Variants in PHACTR3 observed in about 807,000 individuals in gnomAD.
PHACTR3 encodes the protein phosphatase and actin regulator 3.
A neutral mutation model predicts 66.8 loss-of-function variants in PHACTR3; 16 were observed. The ratio of observed to expected loss-of-function variants is 0.24; its 90% confidence interval spans 0.16 to 0.36. The LOEUF is 0.36. PHACTR3 is among the 10% of genes least tolerant of loss of function. The probability of loss-of-function intolerance (pLI) is 1.00; values close to 1 mark genes in which losing one functional copy is unlikely to be tolerated. For synonymous variants in PHACTR3, 323 were observed against 292.1 expected, an observed-to-expected ratio of 1.11 and a Z score of -1.08; for missense variants, 647 against 719.9, an observed-to-expected ratio of 0.90 and a Z score of 1.16.
chr20:59,747,648 T>C, intron 2 of PHACTR3, 110 bp from the exon 3 acceptor site: 1 of 1,281,508 alleles, frequency 7.8e-7, no homozygotes, highest in Non-Finnish European at 1.1e-6. Flanking sequence ...AGGCGCCTGC[T>C]AGCTCAGTGT....
intron 1 of PHACTR3, among the ~76,000 whole-genome samples, chr20:59,653,719 A>G (rs2146456897): frequency 6.6e-6 from 1 of 152,330 alleles, no homozygotes; most frequent in East Asian, 1.9e-4. Context: ...TTATTATGAA[A>G]GAAAAGAGAT....
chr20:59,596,976 C>A (rs909276293), intron 1 of PHACTR3, among the ~76,000 whole-genome samples: 2 of 152,260 alleles, frequency 1.3e-5, no homozygotes, highest in African/African-American at 4.8e-5. Context: ...CTGGGCCAAG[C>A]CATCCCGTGC....
At chr20:59,768,927 A>T (rs532289560) in intron 5 of PHACTR3, among the ~76,000 whole-genome samples, 3 of 152,106 alleles carry the variant, frequency 2.0e-5, no homozygotes, top group Non-Finnish European at 2.9e-5. Flanking sequence ...GATGGGTTAG[A>T]TGTGGGGCTG....
At chr20:59,726,063 C>T (rs1179468930) in intron 1 of PHACTR3, among the ~76,000 whole-genome samples, 3 of 152,230 alleles carry the variant, frequency 2.0e-5, no homozygotes, top group African/African-American at 7.2e-5. Flanking sequence ...CTTCTGATGT[C>T]AGCTATAGCA....
At chr20:59,791,018 C>T (rs1238321652) in intron 7 of PHACTR3, among the ~76,000 whole-genome samples, 1 of 152,126 alleles carries the variant, frequency 6.6e-6, no homozygotes, top group African/African-American at 2.4e-5. Flanking sequence ...TTCATTAATT[C>T]ACCAGGGAGG....
At chr20:59,815,303 A>T (rs886140111) in intron 8 of PHACTR3, among the ~76,000 whole-genome samples, 3 of 152,208 alleles carry the variant, frequency 2.0e-5, no homozygotes, top group Non-Finnish European at 4.4e-5. Flanking sequence ...GCAGAGACGA[A>T]CAAGGAACTC....
intron 1 of PHACTR3, among the ~76,000 whole-genome samples, chr20:59,722,470 G>A (rs1292133502): frequency 3.9e-5 from 6 of 152,184 alleles, no homozygotes; most frequent in Non-Finnish European, 8.8e-5. Flanking sequence ...AGCGTGGCTG[G>A]AATGGAGGGA....
chr20:59,578,920 G>A (rs989845249), intron 1 of PHACTR3, among the ~76,000 whole-genome samples: 1 of 152,174 alleles, frequency 6.6e-6, no homozygotes, highest in East Asian at 1.9e-4. Flanking sequence ...CCTACTGAGC[G>A]CCAGTCCCAG....
chr20:59,652,334 A>T (rs2035484138), intron 1 of PHACTR3, among the ~76,000 whole-genome samples: 1 of 152,156 alleles, frequency 6.6e-6, no homozygotes, highest in Non-Finnish European at 1.5e-5. Context: ...ACTTGAGGCC[A>T]GGAGTTCCAG....
chr20:59,604,623 G>GC lies in PHACTR3; in HGVS notation c.-387dup. 1 of 971,170 alleles carries GC rather than the reference G, an allele frequency of 1.0e-6. No individual in the cohort carries two copies. Among genetic ancestry groups the GC allele is most frequent in the Non-Finnish European group, 1.2e-6 (1 of 816,636 alleles). 60.2% of individuals were successfully genotyped at this position (971,170 alleles called of 1,614,324 possible). On this transcript the variant is annotated 5_prime_UTR_variant, in exon 1 of 13. Coordinates refer to ENST00000371015, the MANE Select transcript of PHACTR3 (RefSeq NM_080672.5). Reference sequence around the variant, plus strand: ...GGGGGGTGGGGTGGGGGGAGGGAGCGCCCCCAGACATTCCAGGACATCACC... The same window carrying GC: ...GGGGGGTGGGGTGGGGGGAGGGAGCGCCCCCCAGACATTCCAGGACATCACC...
intron 8 of PHACTR3, 52 bp downstream of exon 8, chr20:59,806,246 G>C: frequency 6.3e-7 from 1 of 1,585,788 alleles, no homozygotes; most frequent in East Asian, 2.2e-5. Context: ...CCTTGCAGGC[G>C]GAGCCCCTCT....
chr20:59,666,282 A>G (rs945036861), intron 1 of PHACTR3, among the ~76,000 whole-genome samples: 2 of 152,168 alleles, frequency 1.3e-5, no homozygotes, highest in African/African-American at 2.4e-5. Flanking sequence ...GTTCAGCTCT[A>G]TGCAAGCCAC....
At chr20:59,727,743 A>G (rs1482920942) in intron 1 of PHACTR3, among the ~76,000 whole-genome samples, 1 of 152,194 alleles carries the variant, frequency 6.6e-6, no homozygotes, top group Non-Finnish European at 1.5e-5. Context: ...TTTAGTGTTG[A>G]CATGATGCTC....
intron 1 of PHACTR3, among the ~76,000 whole-genome samples, chr20:59,659,053 T>A (rs1386231163): frequency 6.6e-6 from 1 of 152,120 alleles, no homozygotes; most frequent in Non-Finnish European, 1.5e-5. Flanking sequence ...CATTTGGATA[T>A]CTATTGCAGT....
rs574792301 is a variant in PHACTR3 at position 59,820,166 on chromosome 20, C to T, written c.1328+13972C>T. On this transcript the variant is annotated intron_variant, in intron 8 of 12. Transcript: ENST00000371015. This position sits in a 1 kb window ranked among gnomAD's most constrained non-coding sequence, Gnocchi z 4.6. Reference sequence around the variant, plus strand: ...CTGCTTCACCACTGTGGTGAGGGGTCTGCCTGTGAACACTGCAGAGCCTCC... The same window carrying T: ...CTGCTTCACCACTGTGGTGAGGGGTTTGCCTGTGAACACTGCAGAGCCTCC... Among the ~76,000 whole-genome samples the T allele has an allele frequency of 3.3e-5, 5 of 152,292 alleles. No individual in the cohort carries two copies. Among genetic ancestry groups the T allele is most frequent in the East Asian group, 1.9e-4 (1 of 5,174 alleles).
chr20:59,593,251 G>T (rs947318459), intron 1 of PHACTR3, among the ~76,000 whole-genome samples: 1 of 152,182 alleles, frequency 6.6e-6, no homozygotes, highest in Admixed American at 6.5e-5. Context: ...TTCTCTAATG[G>T]CATAATGTTT....
Position 59,830,704 on chromosome 20 carries a change from C to T in PHACTR3, c.1329-5801C>T, listed in dbSNP as rs531520091. Among the ~76,000 whole-genome samples the T allele has an allele frequency of 6.6e-6, 1 of 152,268 alleles. No homozygotes were observed. Among genetic ancestry groups the T allele is most frequent in the South Asian group, 2.1e-4 (1 of 4,822 alleles). Reference sequence around the variant, plus strand: ...TGCCACCTATTTGTGTGTCAACCTCCTCCTGTATTTAGTGTTCTCGACTCT... The same window carrying T: ...TGCCACCTATTTGTGTGTCAACCTCTTCCTGTATTTAGTGTTCTCGACTCT... On this transcript the variant is annotated intron_variant, in intron 8 of 12. Transcript: ENST00000371015. The surrounding 1 kb of genome is among the most constrained non-coding windows in gnomAD (Gnocchi z 5.8).
intron 1 of PHACTR3, among the ~76,000 whole-genome samples, chr20:59,667,684 G>T (rs1440619988): frequency 6.6e-6 from 1 of 152,192 alleles, no homozygotes; most frequent in African/African-American, 2.4e-5. Context: ...CCTGCCTCTG[G>T]GGCTTAGGTT....
chr20:59,836,401 C>T (rs554604823), intron 8 of PHACTR3, 104 bp from the exon 9 acceptor site: 255 of 1,036,760 alleles, frequency 2.5e-4, no homozygotes, highest in African/African-American at 1.2e-3. Flanking sequence ...TTTTGGGAGG[C>T]GATCTATAGG....
Sources: allele counts gnomAD v4.1 joint callset (sites outside exome capture counted in the v4.1 genomes callset), GRCh38; gene constraint gnomAD v4.1.1; non-coding constraint Gnocchi (gnomAD v3.1); transcripts MANE v1.5; gene names NCBI Gene and HGNC (gene_info 2026-07-23, HGNC 2026-07-21).